The following FOXP2 variants were observed in gnomAD, a reference collection of about 807,000 sequenced individuals.
The protein encoded by FOXP2 is forkhead box P2.
In FOXP2, 12 loss-of-function variants were observed where a neutral mutation model predicts 115.8. The observed-to-expected ratio is 0.10, with a 90% CI of 0.07 to 0.17. FOXP2 has a LOEUF of 0.17. FOXP2 is among the 10% of genes least tolerant of loss of function. The probability of loss-of-function intolerance (pLI) is 1.00; values close to 1 mark genes in which losing one functional copy is unlikely to be tolerated. For synonymous variants in FOXP2, 328 were observed against 297.7 expected (o/e 1.10, Z -1.05); for missense variants, 629 against 843.5 (o/e 0.75, Z 3.15).
intron 2 of FOXP2, among the ~76,000 whole-genome samples, chr7:114,336,804 C>T (rs1235045335): frequency 1.3e-5 from 2 of 151,356 alleles, no homozygotes; most frequent in African/African-American, 4.8e-5. Flanking sequence ...GAGAAAAAAA[C>T]CCAGAATACT....
intron 1 of FOXP2, among the ~76,000 whole-genome samples, chr7:114,107,334 G>A (rs1037447675): frequency 2.0e-4 from 30 of 152,078 alleles, no homozygotes; most frequent in African/African-American, 6.5e-4. Context: ...ATCCTATGAA[G>A]TGAACTTTTC....
At position 114,120,816 on chromosome 7, in the gene FOXP2, G is replaced by A. The variant is rs191408762; in HGVS notation, c.-247+32978G>A. On this transcript the variant is annotated intron_variant, in intron 1 of 19. Coordinates refer to the FOXP2 transcript ENST00000635638. ...TTACAAAGGAAACTGAGTCACAGAC[G>A]TTCAGCTACTTGTTTAAGGCCACAC... 3.4e-4 allele frequency among the ~76,000 whole-genome samples: 52 copies of A among 152,032 alleles called. 1 individual carries two copies. The East Asian group carries it at 7.4e-3, about 22-fold the overall frequency.
intron 1 of FOXP2, among the ~76,000 whole-genome samples, chr7:114,118,638 T>C (rs1791474095): frequency 6.6e-6 from 1 of 152,124 alleles, no homozygotes; most frequent in African/African-American, 2.4e-5. Context: ...TCATTTAAAC[T>C]AACAGAATGA....
At chr7:114,652,162 A>G (rs766398842) in intron 8 of FOXP2, 41 bp from the exon 9 acceptor site, 5 of 1,587,140 alleles carry the variant, frequency 3.2e-6, no homozygotes, top group Non-Finnish European at 3.5e-6. Context: ...ACTAAGATCG[A>G]CATCACTTTA....
At chr7:114,554,119 A>T (rs1800341432) in intron 3 of FOXP2, among the ~76,000 whole-genome samples, 1 of 152,136 alleles carries the variant, frequency 6.6e-6, no homozygotes. Context: ...TTTAATATTA[A>T]CCAAATTTTA....
chr7:114,380,889 G>C (rs1057110448), intron 2 of FOXP2, among the ~76,000 whole-genome samples: 3 of 152,198 alleles, frequency 2.0e-5, no homozygotes, highest in African/African-American at 7.2e-5. Flanking sequence ...TTGCAAGCTT[G>C]TCCTTTGGAC....
chr7:114,352,107 A>AC (rs1360292043), intron 2 of FOXP2, among the ~76,000 whole-genome samples: 19 of 146,194 alleles, frequency 1.3e-4, no homozygotes, highest in Non-Finnish European at 2.9e-4. Context: ...ATCTCTAACA[A>AC]AAAAAAAAAA....
Position 114,432,228 on chromosome 7 carries a change from A to G in FOXP2, c.168+5549A>G, listed in dbSNP as rs554691343. Reference sequence around the variant, plus strand: ...AGCTTGCCAAGTTCTTCATTTTCCTATAATCCATATAGTCTACTGTCTTTA... The same window carrying G: ...AGCTTGCCAAGTTCTTCATTTTCCTGTAATCCATATAGTCTACTGTCTTTA... On this transcript the variant is annotated intron_variant, in intron 2 of 16. Transcript: ENST00000350908. 2.0e-5 allele frequency among the ~76,000 whole-genome samples: 3 copies of G among 152,100 alleles called. No individual in the cohort carries two copies. In the East Asian group the frequency reaches 5.8e-4, roughly 29 times the overall value.
rs142398311 is a variant in FOXP2, at chr7:114,120,472, G to T, written c.-247+32634G>T. On this transcript the variant is annotated intron_variant, in intron 1 of 19. Transcript: ENST00000635638. ...TCAAAGTTTTGAAAACGAGAGTATGGTAAGAAAGGGGGCAGGGAGATCAGT... is the reference window on the plus strand; with the variant it reads ...TCAAAGTTTTGAAAACGAGAGTATGTTAAGAAAGGGGGCAGGGAGATCAGT... Among the ~76,000 whole-genome samples, 112 of 152,182 alleles carry T rather than the reference G, an allele frequency of 7.4e-4. No individual in the cohort carries two copies. In the East Asian group the frequency reaches 0.02, roughly 27 times the overall value.
intron 1 of FOXP2, among the ~76,000 whole-genome samples, chr7:114,249,834 A>T (rs1287822908): frequency 6.6e-6 from 1 of 151,860 alleles, no homozygotes; most frequent in Admixed American, 6.6e-5. Context: ...GTTCTAGGGT[A>T]CATGTGCACA....
intron 1 of FOXP2, among the ~76,000 whole-genome samples, chr7:114,143,425 G>T (rs555071706): frequency 7.2e-5 from 11 of 152,056 alleles, no homozygotes; most frequent in African/African-American, 2.7e-4. Context: ...AGTTAGGATG[G>T]GATAGGTTAT....
chr7:114,601,750 T>G (rs1803037927), intron 3 of FOXP2, among the ~76,000 whole-genome samples: 1 of 152,076 alleles, frequency 6.6e-6, no homozygotes, highest in Admixed American at 6.6e-5. Flanking sequence ...TACTTAGAAG[T>G]TCATCATTTT....
chr7:114,528,303 A>G lies in FOXP2; in HGVS notation c.169-6314A>G, dbSNP rs150787916. Among the ~76,000 whole-genome samples, 220 of 152,216 alleles carry G rather than the reference A, an allele frequency of 1.4e-3. 1 individual carries two copies. Among genetic ancestry groups the G allele is most frequent in the Middle Eastern group, 3.4e-3 (1 of 294 alleles). ...TATTATATCCTCCATAAAAATTTCA[A>G]TGAGCTTCTCAACAAAAAATAATTT... On this transcript the variant is annotated intron_variant, in intron 2 of 16. Transcript: ENST00000350908.
chr7:114,513,895 A>G (rs956332947), intron 2 of FOXP2, among the ~76,000 whole-genome samples: 1 of 152,098 alleles, frequency 6.6e-6, no homozygotes, highest in Non-Finnish European at 1.5e-5. Flanking sequence ...ACTGTTGCCT[A>G]TTTTAAAGCA....
At chr7:114,420,511 T>C (rs1584713566) in intron 1 of FOXP2, among the ~76,000 whole-genome samples, 1 of 151,946 alleles carries the variant, frequency 6.6e-6, no homozygotes, top group Non-Finnish European at 1.5e-5. Flanking sequence ...TGACAGAATA[T>C]ACTTGCTTAC....
chr7:114,423,516 C>T (rs1764467536), intron 1 of FOXP2, among the ~76,000 whole-genome samples: 1 of 151,544 alleles, frequency 6.6e-6, no homozygotes, highest in African/African-American at 2.4e-5. Flanking sequence ...GTTTAACTTA[C>T]AGTTCAGACA....
chr7:114,366,079 C>T (rs1380436708), intron 2 of FOXP2, among the ~76,000 whole-genome samples: 4 of 152,000 alleles, frequency 2.6e-5, no homozygotes, highest in Non-Finnish European at 4.4e-5. Flanking sequence ...TGCAGAAAAA[C>T]GTGTGCAGAC....
At chr7:114,118,787 A>G (rs1419785172) in intron 1 of FOXP2, among the ~76,000 whole-genome samples, 1 of 152,132 alleles carries the variant, frequency 6.6e-6, no homozygotes, top group Non-Finnish European at 1.5e-5. Context: ...TCACTCTCTC[A>G]TAAGTACAGT....
At chr7:114,159,526 A>C (rs935093314), upstream of FOXP2, among the ~76,000 whole-genome samples, 2 of 152,078 alleles carry the variant, frequency 1.3e-5, no homozygotes, top group Non-Finnish European at 2.9e-5. Context: ...TTTATTTATG[A>C]AAAGAAATAA....
Sources: allele counts gnomAD v4.1 joint callset (sites outside exome capture counted in the v4.1 genomes callset), GRCh38; gene constraint gnomAD v4.1.1; transcripts MANE v1.5; gene names NCBI Gene and HGNC (gene_info 2026-07-23, HGNC 2026-07-21).